ATP10A: variants seen among roughly 807,000 people sequenced by gnomAD.
The protein encoded by ATP10A is phospholipid-transporting ATPase VA.
Under a neutral mutation model 147.8 loss-of-function variants are expected in ATP10A, and 111 were observed. The observed-to-expected ratio is 0.75, with a 90% CI of 0.64 to 0.88. ATP10A has a LOEUF of 0.88. Ranked by LOEUF, ATP10A falls within the 40% of genes least tolerant of loss-of-function variation. The pLI is 0.00. For missense variants in ATP10A, 1,927 were observed against 1,959.0 expected, an observed-to-expected ratio of 0.98 and a Z score of 0.31; for synonymous variants, 875 against 841.6, an observed-to-expected ratio of 1.04 and a Z score of -0.69.
intron 13 of ATP10A, among the ~76,000 whole-genome samples, chr15:25,699,087 T>A (rs544106438): frequency 1.1e-4 from 16 of 152,268 alleles, no homozygotes; most frequent in African/African-American, 3.9e-4. Flanking sequence ...ACAGAAAAAT[T>A]AATTTAAAAT....
intron 13 of ATP10A, 113 bp downstream of exon 13, chr15:25,701,803 G>T: frequency 9.4e-7 from 1 of 1,065,414 alleles, no homozygotes. Context: ...CGAATGCGGA[G>T]GGTGAGGTCC....
chr15:25,745,026 C>T (rs528574149), intron 2 of ATP10A, among the ~76,000 whole-genome samples: 16 of 152,252 alleles, frequency 1.1e-4, no homozygotes, highest in African/African-American at 3.8e-4. Context: ...AGAAAATAAA[C>T]TCTTAAAGGG....
chr15:25,830,490 T>C (rs946796856), intron 1 of ATP10A, among the ~76,000 whole-genome samples: 3 of 152,186 alleles, frequency 2.0e-5, no homozygotes, highest in African/African-American at 7.2e-5. Flanking sequence ...TCTTTACACC[T>C]TCCTTCCTTT....
intron 10 of ATP10A, chr15:25,709,997 T>C (rs1449870266): frequency 6.6e-6 from 1 of 152,204 alleles, no homozygotes; most frequent in Non-Finnish European, 1.5e-5. Context: ...GAGAATGTAC[T>C]GGGGAACAGA....
At chr15:25,786,617 C>CTTTTTTTTTT (rs35892408) in intron 1 of ATP10A, among the ~76,000 whole-genome samples, 1 of 68,868 alleles carries the variant, frequency 1.5e-5, no homozygotes, top group Non-Finnish European at 2.4e-5. Flanking sequence ...TCATTATCAT[C>CTTTTTTTTTT]TTTTTTTTTT....
At chr15:25,701,411 C>T (rs1238084718) in intron 13 of ATP10A, among the ~76,000 whole-genome samples, 2 of 152,202 alleles carry the variant, frequency 1.3e-5, no homozygotes, top group Non-Finnish European at 2.9e-5. Context: ...CAGTTCCCTG[C>T]TCCATTCAAG....
At chr15:25,854,025 C>T (rs1419957931) in intron 1 of ATP10A, among the ~76,000 whole-genome samples, 1 of 151,256 alleles carries the variant, frequency 6.6e-6, no homozygotes, top group Non-Finnish European at 1.5e-5. Flanking sequence ...ACAGTAATAA[C>T]TGCAATGAAC....
At chr15:25,830,442 T>C (rs139131522) in intron 1 of ATP10A, among the ~76,000 whole-genome samples, 15 of 152,332 alleles carry the variant, frequency 9.8e-5, no homozygotes, top group African/African-American at 2.4e-4. Flanking sequence ...ACTGCCCCTT[T>C]GCAACAGCAT....
chr15:25,697,895 A>G (rs1285118905), intron 13 of ATP10A, among the ~76,000 whole-genome samples: 1 of 152,188 alleles, frequency 6.6e-6, no homozygotes, highest in Non-Finnish European at 1.5e-5. Flanking sequence ...TCCTCCCTAA[A>G]ACCCTTAGCT....
chr15:25,808,390 T>C (rs117160839), intron 1 of ATP10A, among the ~76,000 whole-genome samples: 293 of 111,830 alleles, frequency 2.6e-3, no homozygotes, highest in Non-Finnish European at 5.4e-3. Flanking sequence ...AACAGTTTTG[T>C]TTTGTTTTTT....
rs4906793 is a variant in ATP10A at position 25,845,332 on chromosome 15, G to T, written c.449+17316C>A. Among the ~76,000 whole-genome samples, 80 of 80,508 alleles carry T rather than the reference G, an allele frequency of 9.9e-4. 3 individuals are homozygous for T. The East Asian group carries it at 0.025, about 25-fold the overall frequency. 52.8% of individuals were successfully genotyped at this position (80,508 alleles called of 152,430 possible). A position where few individuals can be genotyped will look rare whatever the true frequency, so the allele number is the denominator to read the frequency against. On this transcript the variant is annotated intron_variant, in intron 1 of 20. Coordinates refer to ENST00000555815, the MANE Select transcript of ATP10A (RefSeq NM_024490.4). ...GGACCGTTTGTGTGTTTGTGTGTGT[G>T]TGTGTGTGTGTGTGTGTGTGTGTCA...
At chr15:25,776,062 T>A (rs1889590362) in intron 2 of ATP10A, among the ~76,000 whole-genome samples, 1 of 152,240 alleles carries the variant, frequency 6.6e-6, no homozygotes, top group Non-Finnish European at 1.5e-5. Context: ...GTTAGAAACA[T>A]AATAAATGCT....
chr15:25,792,091 G>C (rs930537668), intron 1 of ATP10A, among the ~76,000 whole-genome samples: 5 of 152,148 alleles, frequency 3.3e-5, no homozygotes, highest in African/African-American at 1.2e-4. Context: ...CTTCCAGACA[G>C]CCAATTGTGT....
intron 1 of ATP10A, among the ~76,000 whole-genome samples, chr15:25,795,240 A>ACACAGCC (rs1890618786): frequency 6.6e-6 from 1 of 152,122 alleles, no homozygotes; most frequent in Non-Finnish European, 1.5e-5. Flanking sequence ...CTTCTCAGCC[A>ACACAGCC]CACAGCCCAC....
rs528275099 is a variant in ATP10A, at chr15:25,843,336, A to G, written c.449+19312T>C. On this transcript the variant is annotated intron_variant, in intron 1 of 20. Coordinates refer to ENST00000555815, the MANE Select transcript of ATP10A (RefSeq NM_024490.4). ...CAGGAGCACAGCTCCACATATGTCA[A>G]AGTTCAGAGATGGAAGGAAACTCCT... Among the ~76,000 whole-genome samples the G allele has an allele frequency of 4.0e-3, 603 of 151,892 alleles. 10 individuals are homozygous for G. Among genetic ancestry groups the G allele is most frequent in the African/African-American group, 0.014 (564 of 41,434 alleles).
At chr15:25,770,728 G>A (rs1889289941) in intron 2 of ATP10A, among the ~76,000 whole-genome samples, 1 of 152,172 alleles carries the variant, frequency 6.6e-6, no homozygotes, top group Admixed American at 6.5e-5. Context: ...CCCAGGGACA[G>A]GCAAGAGGCC....
In ATP10A at chr15:25,785,047, G is replaced by T. The variant is rs542823373; in HGVS notation, c.450-3824C>A. On this transcript the variant is annotated intron_variant, in intron 1 of 20. Transcript: ENST00000555815. ...ACAGCGGGACAGGCCCCTCCTTACT[G>T]CAGCAGACCAAAAAGGCAAGAGATG... Among the ~76,000 whole-genome samples the T allele has an allele frequency of 4.8e-3, 725 of 152,164 alleles. 5 individuals carry two copies. The highest frequency in any genetic ancestry group is 0.017 in the Admixed American group (263 of 15,290).
intron 2 of ATP10A, among the ~76,000 whole-genome samples, chr15:25,737,735 C>G (rs1887365492): frequency 6.6e-6 from 1 of 152,130 alleles, no homozygotes; most frequent in East Asian, 1.9e-4. Context: ...AGAACGTACC[C>G]TTATTTAGAG....
At chr15:25,851,373 T>TA (rs1014940960) in intron 1 of ATP10A, among the ~76,000 whole-genome samples, 1 of 152,100 alleles carries the variant, frequency 6.6e-6, no homozygotes, top group African/African-American at 2.4e-5. Context: ...GTTTTTTTTT[T>TA]TAATTATTAT....
Sources: allele counts gnomAD v4.1 joint callset (sites outside exome capture counted in the v4.1 genomes callset), GRCh38; gene constraint gnomAD v4.1.1; transcripts MANE v1.5; gene names NCBI Gene and HGNC (gene_info 2026-07-23, HGNC 2026-07-21).